Variants in MDFIC2 observed in about 807,000 individuals in gnomAD.
MDFIC2 encodes the protein MyoD family inhibitor domain containing 2.
chr3:70,258,992 G>C (rs753775908), intron 2 of MDFIC2, among the ~76,000 whole-genome samples: 3 of 151,886 alleles, frequency 2.0e-5, no homozygotes, highest in Non-Finnish European at 4.4e-5. Flanking sequence ...ATAAAGAAGG[G>C]TGCAAGATAT....
At chr3:70,275,906 C>T (rs1454704717) in intron 2 of MDFIC2, among the ~76,000 whole-genome samples, 1 of 152,050 alleles carries the variant, frequency 6.6e-6, no homozygotes, top group Non-Finnish European at 1.5e-5. Context: ...AATCAGATTG[C>T]TCATTGTCGA....
intron 2 of MDFIC2, among the ~76,000 whole-genome samples, chr3:70,280,600 C>G (rs570395974): frequency 1.3e-5 from 2 of 152,230 alleles, no homozygotes; most frequent in African/African-American, 4.8e-5. Flanking sequence ...CAGAAGCAGC[C>G]TCAGAAGCAA....
chr3:70,199,947 C>T (rs1218617617), intron 3 of MDFIC2, among the ~76,000 whole-genome samples: 1 of 152,194 alleles, frequency 6.6e-6, no homozygotes, highest in Non-Finnish European at 1.5e-5. Flanking sequence ...TCTCTCTCTC[C>T]CCAGTCCTAC....
intron 3 of MDFIC2, among the ~76,000 whole-genome samples, chr3:70,206,122 G>T (rs984023328): frequency 3.2e-4 from 48 of 152,028 alleles, no homozygotes; most frequent in African/African-American, 1.1e-3. Context: ...TGATGAGATT[G>T]CTTAATCTCA....
chr3:70,236,272 C>T (rs1478707541), intron 2 of MDFIC2, among the ~76,000 whole-genome samples: 1 of 152,154 alleles, frequency 6.6e-6, no homozygotes, highest in Non-Finnish European at 1.5e-5. Context: ...TTTCCAGAGA[C>T]ATCACTTTGA....
chr3:70,240,330 C>A (rs1184950346), intron 2 of MDFIC2, among the ~76,000 whole-genome samples: 1 of 151,658 alleles, frequency 6.6e-6, no homozygotes, highest in Non-Finnish European at 1.5e-5. Flanking sequence ...GCAGAATAAC[C>A]AATTACTTTT....
chr3:70,226,151 A>G (rs886654535), intron 2 of MDFIC2, among the ~76,000 whole-genome samples: 1 of 152,242 alleles, frequency 6.6e-6, no homozygotes, highest in South Asian at 2.1e-4. Context: ...GAAGGAGGAC[A>G]GTAATCAGCA....
chr3:70,247,826 T>G (rs1701722521), intron 2 of MDFIC2, among the ~76,000 whole-genome samples: 1 of 151,928 alleles, frequency 6.6e-6, no homozygotes, highest in South Asian at 2.1e-4. Flanking sequence ...GTTATGGTCA[T>G]TAAAAAAAAT....
At position 70,194,603 on chromosome 3, in the gene MDFIC2, G is replaced by A. The variant is rs752485070; in HGVS notation, c.*2323C>T. Among the ~76,000 whole-genome samples, 1 of 152,146 alleles carries A rather than the reference G, an allele frequency of 6.6e-6. No homozygotes were observed. Among genetic ancestry groups the A allele is most frequent in the Non-Finnish European group, 1.5e-5 (1 of 68,034 alleles). ...AAGTGAGGAACAAAGTTAACAAACC[G>A]TGGAAAGCAAGGCCACAGAAAGATC... On this transcript the variant is annotated 3_prime_UTR_variant, in exon 4 of 4. Transcript: ENST00000567252.
intron 2 of MDFIC2, among the ~76,000 whole-genome samples, chr3:70,307,728 A>G (rs1415368823): frequency 6.6e-6 from 1 of 152,132 alleles, no homozygotes; most frequent in Admixed American, 6.5e-5. Flanking sequence ...TTACAGGCTC[A>G]TATCACACAA....
chr3:70,291,752 A>G (rs1165011591), intron 2 of MDFIC2: 4 of 152,228 alleles, frequency 2.6e-5, no homozygotes, highest in African/African-American at 7.2e-5. Flanking sequence ...GTTCAAGATG[A>G]TATGTCTTTT....
intron 2 of MDFIC2, among the ~76,000 whole-genome samples, chr3:70,296,766 G>T (rs1382464392): frequency 1.3e-5 from 2 of 152,048 alleles, no homozygotes; most frequent in East Asian, 3.9e-4. Context: ...CTATAAGCCC[G>T]ACTATCAGCT....
At chr3:70,225,803 A>C (rs562613768) in intron 2 of MDFIC2, among the ~76,000 whole-genome samples, 23 of 152,342 alleles carry the variant, frequency 1.5e-4, no homozygotes, top group African/African-American at 5.5e-4. Context: ...TTAAAGATAC[A>C]TGGTGGTGCC....
intron 2 of MDFIC2, among the ~76,000 whole-genome samples, chr3:70,210,560 A>G (rs1701333158): frequency 6.6e-6 from 1 of 152,106 alleles, no homozygotes; most frequent in South Asian, 2.1e-4. Context: ...TCGACATTGC[A>G]CCCAAAGTAC....
intron 2 of MDFIC2, among the ~76,000 whole-genome samples, chr3:70,299,984 T>A (rs1559557954): frequency 6.6e-6 from 1 of 152,136 alleles, no homozygotes; most frequent in Non-Finnish European, 1.5e-5. Flanking sequence ...TACCCCAGAC[T>A]TTTCTGCCTC....
chr3:70,254,240 G>C (rs568102520), intron 2 of MDFIC2, among the ~76,000 whole-genome samples: 1 of 150,812 alleles, frequency 6.6e-6, no homozygotes, highest in South Asian at 2.1e-4. Flanking sequence ...TTTGAATTCT[G>C]TTAAGTTTAA....
intron 2 of MDFIC2, among the ~76,000 whole-genome samples, chr3:70,301,010 T>C (rs1369162105): frequency 6.6e-6 from 1 of 152,128 alleles, no homozygotes; most frequent in Non-Finnish European, 1.5e-5. Context: ...AGTGAACTCC[T>C]TATTATCCAT....
At chr3:70,267,782 A>G (rs1701934371) in intron 2 of MDFIC2, among the ~76,000 whole-genome samples, 1 of 152,058 alleles carries the variant, frequency 6.6e-6, no homozygotes, top group South Asian at 2.1e-4. Flanking sequence ...TCACTGGATG[A>G]GAGTTCAGTT....
chr3:70,285,276 C>G (rs1429116895), intron 2 of MDFIC2, among the ~76,000 whole-genome samples: 1 of 141,116 alleles, frequency 7.1e-6, no homozygotes, highest in East Asian at 2.1e-4. Context: ...TCTCATTGTT[C>G]AATTCCCACC....
Sources: gnomAD v4.1 joint callset for allele counts (sites outside exome capture counted in the v4.1 genomes callset) on GRCh38, gnomAD v4.1.1 for gene constraint, MANE v1.5 for transcripts, NCBI Gene and HGNC (gene_info 2026-07-23, HGNC 2026-07-21) for gene names.